The following CREBRF variants were observed in gnomAD, a reference collection of about 807,000 sequenced individuals.
CREBRF encodes the protein CREB3 regulatory factor, also known as UPF0474 protein C5orf41.
A neutral mutation model predicts 66.1 loss-of-function variants in CREBRF; 5 were observed. The ratio of observed to expected loss-of-function variants is 0.08; its 90% CI spans 0.04 to 0.16. The LOEUF is 0.16. CREBRF is among the 10% of genes least tolerant of loss of function. The probability of loss-of-function intolerance (pLI) is 1.00; values close to 1 mark genes in which losing one functional copy is unlikely to be tolerated. For missense variants in CREBRF, 531 were observed against 744.9 expected (o/e 0.71, Z 3.34); for synonymous variants, 229 against 264.4 (o/e 0.87, Z 1.30).
intron 4 of CREBRF, among the ~76,000 whole-genome samples, chr5:173,103,857 ATG>A (rs1758685952): frequency 6.6e-6 from 1 of 152,198 alleles, no homozygotes; most frequent in African/African-American, 2.4e-5. Context: ...CTAACCAGAG[ATG>A]TGTGATTGAA....
intron 2 of CREBRF, among the ~76,000 whole-genome samples, chr5:173,082,647 T>A (rs1248507203): frequency 6.6e-6 from 1 of 150,808 alleles, no homozygotes; most frequent in Non-Finnish European, 1.5e-5. Context: ...GTGGCTCATA[T>A]CTGTAATCCC....
chr5:173,117,162 C>T (rs752991675), intron 7 of CREBRF, among the ~76,000 whole-genome samples: 5 of 151,900 alleles, frequency 3.3e-5, no homozygotes, highest in South Asian at 2.1e-4. Context: ...GTCAATCACC[C>T]GAGGTCAGGA....
intron 5 of CREBRF, 61 bp downstream of exon 5, chr5:173,108,879 A>G (rs1013910649): frequency 2.1e-5 from 32 of 1,492,020 alleles, no homozygotes; most frequent in Middle Eastern, 1.7e-4. Context: ...CTACTAATCC[A>G]TAATGTTTAC....
intron 4 of CREBRF, among the ~76,000 whole-genome samples, chr5:173,092,676 A>G (rs1758378918): frequency 6.6e-6 from 1 of 152,214 alleles, no homozygotes; most frequent in Non-Finnish European, 1.5e-5. Context: ...TAGATATTTA[A>G]TTTTCTGAAA....
At chr5:173,096,776 G>A (rs936463460) in intron 4 of CREBRF, among the ~76,000 whole-genome samples, 2 of 151,888 alleles carry the variant, frequency 1.3e-5, no homozygotes, top group Non-Finnish European at 2.9e-5. Flanking sequence ...TATCATGAAA[G>A]CATGTTGATT....
At chr5:173,091,430 C>G in intron 4 of CREBRF, 29 bp downstream of exon 4, 1 of 1,601,184 alleles carries the variant, frequency 6.2e-7, no homozygotes, top group Non-Finnish European at 8.5e-7. Flanking sequence ...GCTTACCAGA[C>G]TGACCTTTGT....
At chr5:173,058,108 C>A (rs1487589856) in intron 1 of CREBRF, among the ~76,000 whole-genome samples, 1 of 151,462 alleles carries the variant, frequency 6.6e-6, no homozygotes, top group Admixed American at 6.6e-5. Context: ...CTAGTTGTCA[C>A]TTGATTGTAC....
At chr5:173,115,108 CTTT>C (rs751890606) in intron 7 of CREBRF, among the ~76,000 whole-genome samples, 3 of 140,282 alleles carry the variant, frequency 2.1e-5, no homozygotes. Flanking sequence ...TTTTCTTTTT[CTTT>C]TTTTTTTTTT....
intron 8 of CREBRF, chr5:173,123,615 G>A: frequency 5.9e-6 from 1 of 170,566 alleles, no homozygotes; most frequent in East Asian, 1.9e-4. Context: ...CACAATGTGG[G>A]GAGGATCAGA....
intron 4 of CREBRF, among the ~76,000 whole-genome samples, chr5:173,101,722 G>T (rs939918500): frequency 6.6e-6 from 1 of 151,854 alleles, no homozygotes; most frequent in African/African-American, 2.4e-5. Flanking sequence ...GCTAATTTTT[G>T]TATTTTTAGT....
At chr5:173,122,864 TTGC>T (rs1458020945) in intron 7 of CREBRF, among the ~76,000 whole-genome samples, 3 of 147,902 alleles carry the variant, frequency 2.0e-5, no homozygotes, top group Non-Finnish European at 4.5e-5. Flanking sequence ...TTTTTTGTCC[TTGC>T]GATAGTTTAC....
chr5:173,078,478 T>G (rs77578997), intron 1 of CREBRF, among the ~76,000 whole-genome samples: 142 of 150,886 alleles, frequency 9.4e-4, no homozygotes, highest in African/African-American at 3.3e-3. Flanking sequence ...ATTATTAATG[T>G]ATAATAAATA....
chr5:173,126,387 C>G (rs140021675), intron 8 of CREBRF, among the ~76,000 whole-genome samples: 3 of 152,176 alleles, frequency 2.0e-5, no homozygotes, highest in Non-Finnish European at 4.4e-5. Context: ...GTGATCTGCC[C>G]GCCTTGGCCT....
chr5:173,098,597 A>G (rs1044984226), intron 4 of CREBRF, among the ~76,000 whole-genome samples: 1 of 152,132 alleles, frequency 6.6e-6, no homozygotes, highest in Non-Finnish European at 1.5e-5. Flanking sequence ...AATGTTCTAT[A>G]TATGTCTGTT....
rs563188118 is a variant in CREBRF at position 173,100,367 on chromosome 5, G to A, written c.1223-8257G>A. 1.1e-3 allele frequency among the ~76,000 whole-genome samples: 172 copies of A among 151,454 alleles called. 1 individual carries two copies. The highest frequency in any genetic ancestry group is 3.9e-3 in the African/African-American group (161 of 41,272). ...TGCATACCACTGTTACAGTATTAGA[G>A]CATTCTGAATATGACTGTTCTTATT... On this transcript the variant is annotated intron_variant, in intron 4 of 8. Transcript: ENST00000296953.
Position 173,133,699 on chromosome 5 carries a change from C to T in CREBRF, c.1874C>T (p.Pro625Leu). Residue 625 changes from proline (P) to leucine (L), a missense_variant, in exon 9 of 9, where the codon CCC becomes CTC. Transcript: ENST00000296953. ...TTAGAGAAGACTGCAGAAGGGAATC[C>T]CACTGGAGGCCTTGTAGGATTAAGG... The part of the protein sequence containing the change: ...QVLEKTAEGN[P>L]TGGLVGLRIP... 6.2e-7 allele frequency: 1 copy of T among 1,612,310 alleles called. No homozygotes were observed. The highest frequency in any genetic ancestry group is 8.5e-7 in the Non-Finnish European group (1 of 1,178,938).
chr5:173,118,320 G>A (rs1255500996), intron 7 of CREBRF, among the ~76,000 whole-genome samples: 1 of 152,128 alleles, frequency 6.6e-6, no homozygotes, highest in Non-Finnish European at 1.5e-5. Context: ...GGCCCTCACT[G>A]GCATCTTTCA....
Position 173,091,083 on chromosome 5 carries a change from C to G in CREBRF, c.904C>G (p.Pro302Ala). The G allele has an allele frequency of 6.2e-7, 1 of 1,614,206 alleles. No individual in the cohort carries two copies. Among genetic ancestry groups the G allele is most frequent in the Non-Finnish European group, 8.5e-7 (1 of 1,180,032 alleles). ...FKETQELLLS[P>A]LPQEGPGSLA... is the part of the protein sequence containing the mutation. ...AGAAACCCAGGAACTATTACTAAGT[C>G]CCCTGCCCCAGGAAGGTCCTGGGTC... Residue 302 changes from proline (P) to alanine (A), a missense_variant, in exon 4 of 9, where the codon CCC becomes GCC. Physicochemically the swap from Pro to Ala is conservative, Grantham distance 27. Transcript: ENST00000296953.
intron 7 of CREBRF, among the ~76,000 whole-genome samples, chr5:173,112,624 A>G (rs1758897103): frequency 1.3e-5 from 2 of 152,160 alleles, no homozygotes; most frequent in African/African-American, 4.8e-5. Flanking sequence ...GCTGATCCAC[A>G]TTGTGACCAT....
Sources: gnomAD v4.1 joint callset for allele counts (sites outside exome capture counted in the v4.1 genomes callset) on GRCh38, gnomAD v4.1.1 for gene constraint, MANE v1.5 for transcripts, NCBI Gene and HGNC (gene_info 2026-07-23, HGNC 2026-07-21) for gene names.